Variants in EPB41L4B observed in about 807,000 individuals in gnomAD.
EPB41L4B encodes the protein band 4.1-like protein 4B.
A neutral mutation model predicts 112.5 loss-of-function variants in EPB41L4B; 30 were observed. The ratio of observed to expected loss-of-function variants is 0.27; its 90% CI spans 0.20 to 0.36. EPB41L4B has a LOEUF of 0.36. Among genes scored for constraint, EPB41L4B ranks in the 10% least tolerant of loss-of-function variants. The pLI, the probability that EPB41L4B is intolerant of heterozygous loss-of-function variation, is 1.00. For synonymous variants in EPB41L4B, 408 were observed against 439.7 expected, an observed-to-expected ratio of 0.93 and a Z score of 0.90; for missense variants, 1,024 against 1,133.3, an observed-to-expected ratio of 0.90 and a Z score of 1.38.
intron 13 of EPB41L4B, among the ~76,000 whole-genome samples, chr9:109,248,042 C>T (rs938630633): frequency 5.3e-5 from 8 of 152,312 alleles, no homozygotes; most frequent in Non-Finnish European, 1.0e-4. Flanking sequence ...TTCCAGAATG[C>T]AGTCTCAATG....
chr9:109,257,341 G>A (rs140875198), intron 7 of EPB41L4B, among the ~76,000 whole-genome samples: 3 of 152,210 alleles, frequency 2.0e-5, no homozygotes, highest in African/African-American at 7.2e-5. Context: ...GAGGGGTGGC[G>A]TTGGTAGTCC....
In EPB41L4B at chr9:109,185,420, A is replaced by T. The variant is rs538594052; in HGVS notation, c.2418+69T>A. The T allele has an allele frequency of 7.2e-6, 10 of 1,387,826 alleles. No individual in the cohort carries two copies. The East Asian group carries it at 2.3e-4, about 32-fold the overall frequency. The allele number at this position is 1,387,826 out of a possible 1,614,324, so 86.0% of individuals were successfully genotyped here. On this transcript the variant is annotated intron_variant, in intron 23 of 25. Coordinates refer to ENST00000374566, the MANE Select transcript of EPB41L4B (RefSeq NM_019114.5). ...CTTCTGCACGCCCACCCAGGCTTCC[A>T]CCTCGCCTGGTGGCTCCTGCCCACC...
chr9:109,184,770 A>G (rs185869202), intron 23 of EPB41L4B, among the ~76,000 whole-genome samples: 1 of 152,234 alleles, frequency 6.6e-6, no homozygotes, highest in East Asian at 1.9e-4. Flanking sequence ...AAAATTCCTG[A>G]TGCAAAAAGC....
intron 15 of EPB41L4B, among the ~76,000 whole-genome samples, chr9:109,233,160 C>T (rs935912948): frequency 3.3e-5 from 5 of 152,112 alleles, no homozygotes; most frequent in Non-Finnish European, 5.9e-5. Flanking sequence ...TTATTCTAAT[C>T]CTTTTTTAGT....
chr9:109,192,436 TC>T, intron 21 of EPB41L4B, 81 bp from the exon 22 acceptor site: 2 of 985,934 alleles, frequency 2.0e-6, no homozygotes, highest in Non-Finnish European at 3.1e-6. Context: ...AGGCAGAGGT[TC>T]CCAGCCTCTC....
intron 1 of EPB41L4B, among the ~76,000 whole-genome samples, chr9:109,282,503 A>G (rs968636865): frequency 1.3e-5 from 2 of 152,142 alleles, no homozygotes; most frequent in African/African-American, 4.8e-5. Context: ...CAATATCATC[A>G]TTTTGCAACC....
intron 6 of EPB41L4B, among the ~76,000 whole-genome samples, chr9:109,259,433 TGGAAAAC>T (rs1835115920): frequency 6.6e-6 from 1 of 152,172 alleles, no homozygotes; most frequent in African/African-American, 2.4e-5. Flanking sequence ...GTGGCGACCC[TGGAAAAC>T]ACTTTAAGAA....
At chr9:109,215,892 A>C (rs1291145820) in intron 16 of EPB41L4B, among the ~76,000 whole-genome samples, 1 of 152,162 alleles carries the variant, frequency 6.6e-6, no homozygotes, top group Non-Finnish European at 1.5e-5. Flanking sequence ...TGGGAGGCTG[A>C]AGCAGGAGTG....
intron 22 of EPB41L4B, among the ~76,000 whole-genome samples, chr9:109,191,205 G>A (rs1174563546): frequency 6.6e-6 from 1 of 152,176 alleles, no homozygotes; most frequent in Non-Finnish European, 1.5e-5. Flanking sequence ...ACCAAGGAAA[G>A]CCCAAAATGG....
At chr9:109,294,850 T>C (rs1052815355) in intron 1 of EPB41L4B, among the ~76,000 whole-genome samples, 2 of 152,188 alleles carry the variant, frequency 1.3e-5, no homozygotes, top group African/African-American at 4.8e-5. Context: ...TTGTATATTT[T>C]TAAATCTCCA....
intron 1 of EPB41L4B, among the ~76,000 whole-genome samples, chr9:109,303,655 G>GTTTTT (rs1554765179): frequency 6.6e-6 from 1 of 151,204 alleles, no homozygotes; most frequent in Non-Finnish European, 1.5e-5. Flanking sequence ...GCCTGGCTGG[G>GTTTTT]TTTTTTTTCT....
chr9:109,280,894 C>A (rs1000145353), intron 1 of EPB41L4B, among the ~76,000 whole-genome samples: 2 of 152,020 alleles, frequency 1.3e-5, no homozygotes, highest in African/African-American at 4.8e-5. Flanking sequence ...CCAGCACTGA[C>A]TCTCCCTTTA....
chr9:109,174,479 G>T lies in EPB41L4B; in HGVS notation c.*75C>A. On this transcript the variant is annotated 3_prime_UTR_variant, in exon 26 of 26. Coordinates refer to ENST00000374566, the MANE Select transcript of EPB41L4B (RefSeq NM_019114.5). ...GCACACACTTGTATGCTGTGCTAGA[G>T]TGAGCACACAAAGCCCGAAGAAAGA... is the stretch of plus-strand genomic sequence containing the variant. 1 of 1,359,648 alleles carries T rather than the reference G, an allele frequency of 7.4e-7. No homozygotes were observed. The highest frequency in any genetic ancestry group is 1.4e-5 in the African/African-American group (1 of 70,174). 84.2% of individuals were successfully genotyped at this position (1,359,648 alleles called of 1,614,324 possible). A position where few individuals can be genotyped will look rare whatever the true frequency, so the allele number is the denominator to read the frequency against.
At chr9:109,312,075 T>G (rs781726669) in intron 1 of EPB41L4B, among the ~76,000 whole-genome samples, 1 of 152,138 alleles carries the variant, frequency 6.6e-6, no homozygotes, top group Non-Finnish European at 1.5e-5. Flanking sequence ...TGAATTTAAG[T>G]ATTCTAGAAT....
In EPB41L4B at chr9:109,173,848, C is replaced by A. The variant is rs7858727; in HGVS notation, c.*706G>T. The A allele has an allele frequency of 0.81, 123,259 of 152,400 alleles. 50,059 individuals are homozygous for A. Among genetic ancestry groups the A allele is most frequent in the African/African-American group, 0.85 (35,477 of 41,536 alleles). The allele number at this position is 152,400 out of a possible 1,614,324, so 9.4% of individuals were successfully genotyped here. On this transcript the variant is annotated 3_prime_UTR_variant, in exon 26 of 26. Transcript: ENST00000374566. ...CAACTTTAGAAATAATTTTCTGAAT[C>A]TTCTTGATATTGAATCATCTTAACC...
chr9:109,300,279 A>G (rs1836909496), intron 1 of EPB41L4B: 1 of 152,124 alleles, frequency 6.6e-6, no homozygotes, highest in Non-Finnish European at 1.5e-5. Context: ...CTTTCCCTCA[A>G]TGGACCTAAA....
At chr9:109,261,122 C>T (rs1186665120) in intron 6 of EPB41L4B, among the ~76,000 whole-genome samples, 2 of 152,138 alleles carry the variant, frequency 1.3e-5, no homozygotes, top group South Asian at 2.1e-4. Flanking sequence ...GGTGAGTGGC[C>T]GGAGTGCGGA....
chr9:109,253,340 CT>C, intron 12 of EPB41L4B, 100 bp downstream of exon 12: 1 of 787,220 alleles, frequency 1.3e-6, no homozygotes. Context: ...GACTGGAGAA[CT>C]GCGGGTACTT....
rs116065651 is a variant in EPB41L4B, at chr9:109,316,939, A to C, written c.306+3202T>G. ...CAATACAGTGAGACCCCATGTCTAT[A>C]AAAATAATTTTTTTAATTAGCCGGG... On this transcript the variant is annotated intron_variant, in intron 1 of 25. Coordinates refer to ENST00000374566, the MANE Select transcript of EPB41L4B (RefSeq NM_019114.5). 7.9e-3 allele frequency among the ~76,000 whole-genome samples: 1,198 copies of C among 152,162 alleles called. 11 individuals are homozygous for C. Among genetic ancestry groups the C allele is most frequent in the African/African-American group, 0.028 (1,143 of 41,492 alleles).
Sources: allele counts gnomAD v4.1 joint callset (sites outside exome capture counted in the v4.1 genomes callset), GRCh38; gene constraint gnomAD v4.1.1; transcripts MANE v1.5; gene names NCBI Gene and HGNC (gene_info 2026-07-23, HGNC 2026-07-21).